The following EYS variants were observed in gnomAD, a reference collection of about 807,000 sequenced individuals.
EYS encodes protein eyes shut homolog.
EYS carries 250 observed loss-of-function variants against 282.1 expected under a neutral mutation model. The ratio of observed to expected loss-of-function variants is 0.89; its 90% CI spans 0.80 to 0.98. The LOEUF (loss-of-function observed/expected upper bound fraction) is 0.98, where lower values mean the gene tolerates loss of function less well. Among genes scored for constraint, EYS ranks in the 50% least tolerant of loss-of-function variants. The pLI is 0.00. For missense variants in EYS, 4,016 were observed against 3,709.0 expected, an observed-to-expected ratio of 1.08 and a Z score of -2.15; for synonymous variants, 1,355 against 1,282.9, an observed-to-expected ratio of 1.06 and a Z score of -1.20.
At chr6:64,997,381 G>T (rs1771300918) in intron 14 of EYS, among the ~76,000 whole-genome samples, 1 of 151,814 alleles carries the variant, frequency 6.6e-6, no homozygotes. Context: ...AACCTGTATA[G>T]AGTGGAGAAT....
intron 2 of EYS, among the ~76,000 whole-genome samples, chr6:65,588,977 G>A (rs1765144915): frequency 6.6e-6 from 1 of 151,904 alleles, no homozygotes; most frequent in Non-Finnish European, 1.5e-5. Context: ...TAAGCCAAAT[G>A]AGGCTATTAT....
intron 12 of EYS, among the ~76,000 whole-genome samples, chr6:65,192,539 A>C (rs1454698973): frequency 2.0e-5 from 3 of 151,820 alleles, no homozygotes; most frequent in African/African-American, 7.2e-5. Flanking sequence ...AAACATACTG[A>C]ATTTGATGCA....
At chr6:64,886,339 A>T (rs1311979219) in intron 19 of EYS, among the ~76,000 whole-genome samples, 4 of 151,972 alleles carry the variant, frequency 2.6e-5, no homozygotes, top group African/African-American at 4.8e-5. Context: ...TTTAATGCTA[A>T]GCATATTCTA....
At chr6:65,301,709 A>G (rs961768964) in intron 11 of EYS, among the ~76,000 whole-genome samples, 2 of 152,240 alleles carry the variant, frequency 1.3e-5, no homozygotes, top group African/African-American at 2.4e-5. Context: ...TCAGCGTGGG[A>G]GTCAAGAGCA....
At chr6:64,831,580 T>G (rs1229503960) in intron 19 of EYS, among the ~76,000 whole-genome samples, 1 of 151,936 alleles carries the variant, frequency 6.6e-6, no homozygotes, top group Non-Finnish European at 1.5e-5. Context: ...ATGAAAATGA[T>G]GATGATAATG....
intron 29 of EYS, among the ~76,000 whole-genome samples, chr6:64,373,245 G>T (rs1772444239): frequency 6.6e-6 from 1 of 152,024 alleles, no homozygotes; most frequent in Non-Finnish European, 1.5e-5. Flanking sequence ...TATTGTTGTT[G>T]TTGTTTTCTT....
intron 14 of EYS, among the ~76,000 whole-genome samples, chr6:64,947,653 CTTTTTTT>C (rs67440131): frequency 8.5e-5 from 11 of 129,320 alleles, no homozygotes; most frequent in East Asian, 4.5e-4. Context: ...CTTATTTTTT[CTTTTTTT>C]TTTTTTTTGT....
intron 12 of EYS, among the ~76,000 whole-genome samples, chr6:65,211,706 G>A (rs1382915005): frequency 1.3e-5 from 2 of 151,860 alleles, no homozygotes; most frequent in African/African-American, 4.8e-5. Flanking sequence ...CTGGTAAACA[G>A]AGTAGAGAGA....
At chr6:65,269,568 T>C (rs183551911) in intron 12 of EYS, among the ~76,000 whole-genome samples, 1 of 152,282 alleles carries the variant, frequency 6.6e-6, no homozygotes, top group Non-Finnish European at 1.5e-5. Context: ...ATCTGAGTTA[T>C]GGCACTCATG....
intron 36 of EYS, among the ~76,000 whole-genome samples, chr6:63,851,993 T>C (rs1285219158): frequency 2.6e-5 from 4 of 151,502 alleles, no homozygotes; most frequent in African/African-American, 4.8e-5. Flanking sequence ...CCGTCTCTAC[T>C]AAAAATACAA....
At chr6:63,905,481 C>T (rs1245368715) in intron 35 of EYS, among the ~76,000 whole-genome samples, 1 of 151,920 alleles carries the variant, frequency 6.6e-6, no homozygotes. Flanking sequence ...AGGCGCCCGC[C>T]ACCACGCCCG....
At chr6:64,653,661 C>A (rs1768644016) in intron 22 of EYS, among the ~76,000 whole-genome samples, 1 of 151,718 alleles carries the variant, frequency 6.6e-6, no homozygotes, top group African/African-American at 2.4e-5. Context: ...ACCTTTTGGG[C>A]TCAAGCAATC....
rs551755321 is a variant in EYS at position 64,664,790 on chromosome 6, C to T, written c.3444-38545G>A. Among the ~76,000 whole-genome samples the T allele has an allele frequency of 3.2e-4, 48 of 152,290 alleles. 3 individuals are homozygous for T. The South Asian group carries it at 9.9e-3, about 32-fold the overall frequency. On this transcript the variant is annotated intron_variant, in intron 22 of 42. Coordinates refer to ENST00000503581, the MANE Select transcript of EYS (RefSeq NM_001142800.2). Reference sequence around the variant, plus strand: ...AACTAGAAAATGGGTCCCCACCAGACATGAATTTGCTAGCATCTTGATCTT... The same window carrying T: ...AACTAGAAAATGGGTCCCCACCAGATATGAATTTGCTAGCATCTTGATCTT...
At chr6:65,019,326 A>G (rs552340933) in intron 13 of EYS, among the ~76,000 whole-genome samples, 6 of 152,266 alleles carry the variant, frequency 3.9e-5, no homozygotes, top group Admixed American at 3.9e-4. Context: ...CACTTCCAAA[A>G]TCCTTGTCCT....
chr6:64,794,558 A>C (rs112532978), intron 22 of EYS, among the ~76,000 whole-genome samples: 6,694 of 152,250 alleles, frequency 0.044, 465 homozygotes, highest in African/African-American at 0.15. Flanking sequence ...TGGCCTCCCC[A>C]GAAGCAGAAG....
At chr6:64,510,380 T>C (rs1054191989) in intron 26 of EYS, among the ~76,000 whole-genome samples, 8 of 152,080 alleles carry the variant, frequency 5.3e-5, no homozygotes, top group Non-Finnish European at 1.0e-4. Flanking sequence ...TCGCACATTG[T>C]TTTTTTAATG....
chr6:65,255,003 A>G (rs1767422665), intron 12 of EYS, among the ~76,000 whole-genome samples: 2 of 151,890 alleles, frequency 1.3e-5, no homozygotes, highest in African/African-American at 4.8e-5. Flanking sequence ...TACCAGTGAT[A>G]TTTTTCACAG....
intron 26 of EYS, among the ~76,000 whole-genome samples, chr6:64,450,852 A>G (rs1171908881): frequency 6.6e-6 from 1 of 152,212 alleles, no homozygotes; most frequent in East Asian, 1.9e-4. Context: ...GGACACATTC[A>G]AAGCAGTGTA....
intron 27 of EYS, 63 bp downstream of exon 27, chr6:64,439,099 A>G (rs1774849274): frequency 4.6e-6 from 4 of 866,176 alleles, no homozygotes; most frequent in Non-Finnish European, 5.0e-6. Flanking sequence ...AAAATAACCA[A>G]TGAAGCACAT....
Sources: gnomAD v4.1 joint callset for allele counts (sites outside exome capture counted in the v4.1 genomes callset) on GRCh38, gnomAD v4.1.1 for gene constraint, MANE v1.5 for transcripts, NCBI Gene and HGNC (gene_info 2026-07-23, HGNC 2026-07-21) for gene names.